Variants in NTSR1 observed in about 807,000 individuals in gnomAD.
The protein encoded by NTSR1 is neurotensin receptor 1.
A neutral mutation model predicts 31.2 loss-of-function variants in NTSR1; 29 were observed. The ratio of observed to expected loss-of-function variants is 0.93; its 90% CI spans 0.69 to 1.27. NTSR1 has a LOEUF of 1.27. NTSR1 is among the 50% of genes most tolerant of loss of function. The pLI is 0.00. For missense variants in NTSR1, 697 were observed against 595.4 expected (o/e 1.17, Z -1.78); for synonymous variants, 282 against 269.9 (o/e 1.04, Z -0.44).
Position 62,760,198 on chromosome 20 carries a change from G to T in NTSR1, c.1188G>T (p.Ser396=). ...GCAGGAGGAAGAGGCCAGCCTTCTCGAGGAAGGCCGACAGCGTGTCCAGCA... is the reference window on the plus strand; with the variant it reads ...GCAGGAGGAAGAGGCCAGCCTTCTCTAGGAAGGCCGACAGCGTGTCCAGCA... ...WRRRRKRPAF[S]RKADSVSSNH... Residue 396 remains serine, a synonymous_variant, in exon 4 of 4, where the codon TCG becomes TCT. Transcript: ENST00000370501. 3.1e-6 allele frequency: 5 copies of T among 1,613,834 alleles called. No individual in the cohort carries two copies. Among genetic ancestry groups the T allele is most frequent in the Non-Finnish European group, 4.2e-6 (5 of 1,180,000 alleles).
chr20:62,709,943 C>T (rs780192256), intron 1 of NTSR1, 22 bp downstream of exon 1: 19 of 1,534,680 alleles, frequency 1.2e-5, no homozygotes, highest in Non-Finnish European at 1.5e-5. Context: ...TAACCAGCCC[C>T]GGGGCTCCCC....
At chr20:62,716,111 T>C (rs1988712121) in intron 1 of NTSR1, among the ~76,000 whole-genome samples, 1 of 152,222 alleles carries the variant, frequency 6.6e-6, no homozygotes, top group Non-Finnish European at 1.5e-5. Flanking sequence ...GTGAAGCACG[T>C]TCACATTGCT....
intron 1 of NTSR1, among the ~76,000 whole-genome samples, chr20:62,716,729 G>A (rs1027408691): frequency 7.9e-5 from 12 of 152,184 alleles, no homozygotes; most frequent in Admixed American, 5.2e-4. Context: ...TCCCCTGGAC[G>A]GCCATGAAGG....
intron 1 of NTSR1, among the ~76,000 whole-genome samples, chr20:62,729,890 T>G (rs893126362): frequency 6.6e-6 from 1 of 152,164 alleles, no homozygotes; most frequent in African/African-American, 2.4e-5. Flanking sequence ...CCCAAAGTGC[T>G]GGGATGACAG....
Position 62,745,220 on chromosome 20 carries a change from CAG to C in NTSR1, c.715-9455_715-9454del, listed in dbSNP as rs907213730. Among the ~76,000 whole-genome samples the C allele has an allele frequency of 5.3e-5, 8 of 152,030 alleles. No homozygotes were observed. In the South Asian group the frequency reaches 8.3e-4, roughly 16 times the overall value. ...ACCCAGACAGACAGCAACACAAAGA[CAG>C]AGAGAGAGACACAGAGAGGAAAGCA... On this transcript the variant is annotated intron_variant, in intron 1 of 3. Coordinates refer to ENST00000370501, the MANE Select transcript of NTSR1 (RefSeq NM_002531.3). The surrounding 1 kb of genome is among the most constrained non-coding windows in gnomAD (Gnocchi z 4.1).
chr20:62,730,535 A>C (rs1988985403), intron 1 of NTSR1, among the ~76,000 whole-genome samples: 1 of 152,236 alleles, frequency 6.6e-6, no homozygotes, highest in Non-Finnish European at 1.5e-5. Context: ...TTTATGAAGA[A>C]GGCTGCTATA....
At chr20:62,720,361 G>C (rs577024622) in intron 1 of NTSR1, among the ~76,000 whole-genome samples, 1 of 152,336 alleles carries the variant, frequency 6.6e-6, no homozygotes, top group East Asian at 1.9e-4. Flanking sequence ...CCTTGAGTAA[G>C]TGTTAGTAAT....
In NTSR1 at chr20:62,741,013, C is replaced by A. The variant is rs1989195872; in HGVS notation, c.715-13672C>A. 6.6e-6 allele frequency among the ~76,000 whole-genome samples: 1 copy of A among 151,756 alleles called. No individual in the cohort carries two copies. ...GGCACACTGGGGTTCTGGGCCCCGG[C>A]CAGGCTCAGCGAGGGGAGGGCCGTT... is the stretch of plus-strand genomic sequence containing the variant. On this transcript the variant is annotated intron_variant, in intron 1 of 3. Transcript: ENST00000370501. The surrounding 1 kb of genome is among the most constrained non-coding windows in gnomAD (Gnocchi z 4.3).
rs545365727 is a variant in NTSR1 at position 62,738,059 on chromosome 20, C to T, written c.715-16626C>T. 7.2e-5 allele frequency among the ~76,000 whole-genome samples: 11 copies of T among 152,358 alleles called. No homozygotes were observed. In the South Asian group the frequency reaches 1.0e-3, roughly 14 times the overall value. ...TTTCCCTGCAGTGCCCATCTGCCCA[C>T]GTCTGCCCCCCTCCCCCTCCTCTGC... is the stretch of plus-strand genomic sequence containing the variant. On this transcript the variant is annotated intron_variant, in intron 1 of 3. Transcript: ENST00000370501.
chr20:62,709,062 C>A lies in NTSR1; in HGVS notation c.-146C>A. The stretch of plus-strand genomic sequence containing the variant: ...GGCGGCGCGTCTGGGTCTGGCGCTT[C>A]CCGACTGGACGGCGCGCCCGCTGGT... On this transcript the variant is annotated 5_prime_UTR_variant, in exon 1 of 4. Coordinates refer to ENST00000370501, the MANE Select transcript of NTSR1 (RefSeq NM_002531.3). 1 of 603,692 alleles carries A rather than the reference C, an allele frequency of 1.7e-6. No homozygotes were observed. The highest frequency in any genetic ancestry group is 2.6e-6 in the Non-Finnish European group (1 of 387,982). The allele number at this position is 603,692 out of a possible 1,614,324, so 37.4% of individuals were successfully genotyped here.
chr20:62,759,922 C>T, intron 3 of NTSR1, 96 bp from the exon 4 acceptor site: 3 of 1,226,634 alleles, frequency 2.4e-6, no homozygotes, highest in Non-Finnish European at 3.5e-6. Flanking sequence ...GCGTCTGAGC[C>T]ACCACGTCCC....
intron 1 of NTSR1, among the ~76,000 whole-genome samples, chr20:62,716,578 A>G (rs1303751729): frequency 6.6e-6 from 1 of 152,124 alleles, no homozygotes; most frequent in East Asian, 1.9e-4. Context: ...TGAGGGGTGG[A>G]TTTCAGCGCG....
rs111337077 is a variant in NTSR1 at position 62,721,315 on chromosome 20, G to A, written c.714+11394G>A. Among the ~76,000 whole-genome samples, 471 of 152,256 alleles carry A rather than the reference G, an allele frequency of 3.1e-3. 5 individuals carry two copies. Among genetic ancestry groups the A allele is most frequent in the African/African-American group, 0.011 (445 of 41,540 alleles). On this transcript the variant is annotated intron_variant, in intron 1 of 3. Transcript: ENST00000370501. ...CTTTGTCTGGTAAATCCATCCTCTG[G>A]GTCATCTTGAGGGTGGCATATATTG...
chr20:62,759,731 C>A (rs1394289230), intron 3 of NTSR1, among the ~76,000 whole-genome samples: 1 of 147,094 alleles, frequency 6.8e-6, no homozygotes, highest in Non-Finnish European at 1.5e-5. Context: ...GCCGAGATCG[C>A]GCCACTGTAC....
intron 1 of NTSR1, among the ~76,000 whole-genome samples, chr20:62,734,711 G>C (rs950502129): frequency 6.7e-6 from 1 of 150,306 alleles, no homozygotes. Flanking sequence ...GCTTCAGCCT[G>C]AAATCCGCAC....
intron 1 of NTSR1, among the ~76,000 whole-genome samples, chr20:62,720,212 A>G (rs1988807888): frequency 6.6e-6 from 1 of 152,190 alleles, no homozygotes; most frequent in Non-Finnish European, 1.5e-5. Flanking sequence ...AGGCAGGAGA[A>G]TCGCTTTAAC....
intron 1 of NTSR1, among the ~76,000 whole-genome samples, chr20:62,728,838 A>G (rs1260241246): frequency 6.6e-6 from 1 of 152,142 alleles, no homozygotes; most frequent in Admixed American, 6.5e-5. Flanking sequence ...TGCACCCAGA[A>G]CCGGCCCTCA....
At chr20:62,724,364 G>A (rs997365512) in intron 1 of NTSR1, among the ~76,000 whole-genome samples, 5 of 152,194 alleles carry the variant, frequency 3.3e-5, no homozygotes, top group Non-Finnish European at 7.3e-5. Flanking sequence ...GGAACAGGGA[G>A]GGTCCCCAAG....
rs370000075 is a variant in NTSR1 at position 62,734,773 on chromosome 20, G to A, written c.715-19912G>A. 1.1e-3 allele frequency among the ~76,000 whole-genome samples: 163 copies of A among 152,368 alleles called. 1 individual carries two copies. The South Asian group carries it at 0.031, about 29-fold the overall frequency. ...CGGTATACAATAGCTCACTAATACC[G>A]TTGCAAGTTGATATGATATTTTGAA... On this transcript the variant is annotated intron_variant, in intron 1 of 3. Coordinates refer to ENST00000370501, the MANE Select transcript of NTSR1 (RefSeq NM_002531.3).
Sources: allele counts gnomAD v4.1 joint callset (sites outside exome capture counted in the v4.1 genomes callset), GRCh38; gene constraint gnomAD v4.1.1; non-coding constraint Gnocchi (gnomAD v3.1); transcripts MANE v1.5; gene names NCBI Gene and HGNC (gene_info 2026-07-23, HGNC 2026-07-21).